The following NFS1 variants were observed in gnomAD, a reference collection of about 807,000 sequenced individuals.
The protein encoded by NFS1 is cysteine desulfurase.
NFS1 carries 26 observed loss-of-function variants against 57.3 expected under a neutral mutation model. The ratio of observed to expected loss-of-function variants is 0.45; its 90% CI spans 0.33 to 0.63. The LOEUF (loss-of-function observed/expected upper bound fraction) is 0.63. Among genes scored for constraint, NFS1 ranks in the 20% least tolerant of loss-of-function variants. The probability of loss-of-function intolerance (pLI) is 0.02; values close to 1 mark genes in which losing one functional copy is unlikely to be tolerated. For missense variants in NFS1, 505 were observed against 605.8 expected (o/e 0.83, Z 1.75); for synonymous variants, 209 against 216.3 (o/e 0.97, Z 0.30).
chr20:35,674,680 G>C (rs955202190), intron 8 of NFS1, 63 bp from the exon 9 acceptor site: 1 of 1,293,158 alleles, frequency 7.7e-7, no homozygotes, highest in Admixed American at 1.7e-5. Flanking sequence ...GACAGTTTGA[G>C]AAGCCCTTCT....
intron 4 of NFS1, chr20:35,692,272 G>C (rs1207393158): frequency 3.8e-6 from 1 of 260,604 alleles, no homozygotes. Flanking sequence ...TACTCAGGAG[G>C]ATGAGGCAGG....
At chr20:35,669,707 A>G (rs201496493) in intron 12 of NFS1, 22 bp from the exon 13 acceptor site, 2 of 1,611,652 alleles carry the variant, frequency 1.2e-6, no homozygotes, top group East Asian at 2.2e-5. Context: ...AAGAGGCATT[A>G]AATGAGTGAG....
At chr20:35,698,804 A>G in intron 1 of NFS1, 4 of 1,384,910 alleles carry the variant, frequency 2.9e-6, no homozygotes, top group Non-Finnish European at 3.7e-6. Flanking sequence ...GGGGGTGTTG[A>G]GTTGATATTC....
At chr20:35,688,275 C>T (rs1220117483) in intron 5 of NFS1, among the ~76,000 whole-genome samples, 1 of 150,416 alleles carries the variant, frequency 6.6e-6, no homozygotes, top group African/African-American at 2.5e-5. Flanking sequence ...TTTAGCCAGG[C>T]CAGCTGCAGT....
intron 5 of NFS1, among the ~76,000 whole-genome samples, chr20:35,686,216 C>T (rs963461301): frequency 6.6e-6 from 1 of 151,438 alleles, no homozygotes; most frequent in Non-Finnish European, 1.5e-5. Flanking sequence ...TGATCCGCCT[C>T]CCAAAGTGCT....
intron 11 of NFS1, 72 bp from the exon 12 acceptor site, chr20:35,672,916 T>C: frequency 1.2e-6 from 1 of 830,576 alleles, no homozygotes; most frequent in Non-Finnish European, 2.0e-6. Context: ...CCGCAAATAC[T>C]CACTAAGGAT....
At chr20:35,682,056 G>T in intron 5 of NFS1, 75 bp from the exon 6 acceptor site, 1 of 781,896 alleles carries the variant, frequency 1.3e-6, no homozygotes, top group Non-Finnish European at 2.2e-6. Context: ...GGCAAACTTA[G>T]TCATGAAAAG....
chr20:35,694,167 A>G (rs1462123563), intron 4 of NFS1, among the ~76,000 whole-genome samples: 1 of 147,716 alleles, frequency 6.8e-6, no homozygotes, highest in Non-Finnish European at 1.5e-5. Context: ...TTTTTGAGAC[A>G]GAGTTTCGCC....
Position 35,690,560 on chromosome 20 carries a change from C to T in NFS1, c.414G>A (p.Val138=). Residue 138 remains valine, a synonymous_variant, in exon 5 of 13, where the codon GTG becomes GTA. Coordinates refer to ENST00000374092, the MANE Select transcript of NFS1 (RefSeq NM_021100.5). ...TTTTCCGTGACCTGTAGAATCGGGC[C>T]ACCCCCTAGAAATTGGTGGTGACAG... ...TESNNIAIKG[V]ARFYRSRKKH... is the part of the protein sequence containing the mutation. 3.1e-6 allele frequency: 5 copies of T among 1,613,862 alleles called. No individual in the cohort carries two copies. Among genetic ancestry groups the T allele is most frequent in the Non-Finnish European group, 3.4e-6 (4 of 1,179,918 alleles).
chr20:35,685,453 C>T (rs575546562), intron 5 of NFS1, among the ~76,000 whole-genome samples: 12 of 151,140 alleles, frequency 7.9e-5, no homozygotes, highest in South Asian at 6.2e-4. Flanking sequence ...ACTTAGAAGG[C>T]GGAGACTGCA....
At chr20:35,685,188 G>A (rs191894945) in intron 5 of NFS1, among the ~76,000 whole-genome samples, 3 of 151,854 alleles carry the variant, frequency 2.0e-5, no homozygotes, top group Non-Finnish European at 4.4e-5. Flanking sequence ...ACCTGGCCAA[G>A]GGAGACCCTG....
Position 35,675,202 on chromosome 20 carries a change from C to A in NFS1, c.791G>T (p.Gly264Val), listed in dbSNP as rs758703498. ...GCGACGGATGTAGATGGCACCAACC[C>A]CTGGGAAACAAAATTTGTTACAAAA... ...ISGHKIYGPK[G>V]VGAIYIRRRP... is the part of the protein sequence containing the mutation. Residue 264 changes from glycine to valine, a missense_variant and splice_region_variant, in exon 8 of 13, where the codon GGG becomes GTG. Transcript: ENST00000374092. 1.3e-6 allele frequency: 2 copies of A among 1,586,862 alleles called. No homozygotes were observed. The highest frequency in any genetic ancestry group is 2.3e-5 in the East Asian group (1 of 44,284).
rs2034710351 is a variant in NFS1 at position 35,674,624 on chromosome 20, A to C, written c.949-7T>G. The C allele has an allele frequency of 6.2e-7, 1 of 1,609,918 alleles. No homozygotes were observed. The highest frequency in any genetic ancestry group is 8.5e-7 in the Non-Finnish European group (1 of 1,176,172). On this transcript the variant is annotated splice_polypyrimidine_tract_variant and splice_region_variant and intron_variant, in intron 8 of 12. Coordinates refer to ENST00000374092, the MANE Select transcript of NFS1 (RefSeq NM_021100.5). Reference sequence around the variant, plus strand: ...AGATTCGCTTGTGGTCATACTAAGGAGCAGGCAAGGAAGGATTAGGCAGTA... The same window carrying C: ...AGATTCGCTTGTGGTCATACTAAGGCGCAGGCAAGGAAGGATTAGGCAGTA...
chr20:35,679,698 C>A (rs527239162), intron 7 of NFS1, among the ~76,000 whole-genome samples: 1 of 152,260 alleles, frequency 6.6e-6, no homozygotes, highest in African/African-American at 2.4e-5. Flanking sequence ...TAGAAGACGC[C>A]ATCTTCCATA....
chr20:35,699,124 A>T lies in NFS1; in HGVS notation c.97+68T>A. 1 of 1,360,798 alleles carries T rather than the reference A, an allele frequency of 7.3e-7. No homozygotes were observed. The highest frequency in any genetic ancestry group is 9.4e-7 in the Non-Finnish European group (1 of 1,062,994). The allele number at this position is 1,360,798 out of a possible 1,614,324, so 84.3% of individuals were successfully genotyped here. A position where few individuals can be genotyped will look rare whatever the true frequency, so the allele number is the denominator to read the frequency against. On this transcript the variant is annotated intron_variant, in intron 1 of 12. Coordinates refer to ENST00000374092, the MANE Select transcript of NFS1 (RefSeq NM_021100.5). The surrounding 1 kb of genome is among the most constrained non-coding windows in gnomAD (Gnocchi z 4.4). ...GCAGGGTGGACAGGAAGGCTCCGGA[A>T]TATTCAGTTGCGTCGCCGCGCGGAG...
chr20:35,671,002 A>C (rs561754611), intron 12 of NFS1, among the ~76,000 whole-genome samples: 13 of 152,230 alleles, frequency 8.5e-5, no homozygotes, highest in African/African-American at 3.1e-4. Flanking sequence ...GCTCTGAAAA[A>C]ATCTAGAGGC....
rs1189558511 is a variant in NFS1 at position 35,668,493 on chromosome 20, TA to T, written c.*1128del. The T allele has an allele frequency of 6.6e-6, 1 of 152,238 alleles. No homozygotes were observed. Among genetic ancestry groups the T allele is most frequent in the Non-Finnish European group, 1.5e-5 (1 of 68,044 alleles). The allele number at this position is 152,238 out of a possible 1,614,324, so 9.4% of individuals were successfully genotyped here. On this transcript the variant is annotated 3_prime_UTR_variant, in exon 13 of 13. Coordinates refer to ENST00000374092, the MANE Select transcript of NFS1 (RefSeq NM_021100.5). The stretch of plus-strand genomic sequence containing the variant: ...GTTACAATGGCCTTCTCTTGGTTTC[TA>T]AAGTATAATACTTTGTGCTTTATCA...
rs564427648 is a variant in NFS1, at chr20:35,698,423, G to A, written c.207+58C>T. The A allele has an allele frequency of 7.1e-6, 9 of 1,264,090 alleles. No homozygotes were observed. The East Asian group carries it at 1.2e-4, about 17-fold the overall frequency. 78.3% of individuals were successfully genotyped at this position (1,264,090 alleles called of 1,614,324 possible). On this transcript the variant is annotated intron_variant, in intron 2 of 12. Coordinates refer to ENST00000374092, the MANE Select transcript of NFS1 (RefSeq NM_021100.5). Reference sequence around the variant, plus strand: ...TCCAGGGATTCAGCCATTTCTTTGCGTGATCACGCCCATCATTTACTTCCT... The same window carrying A: ...TCCAGGGATTCAGCCATTTCTTTGCATGATCACGCCCATCATTTACTTCCT...
At chr20:35,675,510 T>TA in intron 7 of NFS1, 1 of 348,562 alleles carries the variant, frequency 2.9e-6, no homozygotes, top group Admixed American at 4.6e-5. Context: ...GGGAACAACT[T>TA]AGATGTCCAT....
Sources: allele counts gnomAD v4.1 joint callset (sites outside exome capture counted in the v4.1 genomes callset), GRCh38; gene constraint gnomAD v4.1.1; non-coding constraint Gnocchi (gnomAD v3.1); transcripts MANE v1.5; gene names NCBI Gene and HGNC (gene_info 2026-07-23, HGNC 2026-07-21).